AFTPH: variants seen among roughly 807,000 people sequenced by gnomAD.
AFTPH encodes the protein aftiphilin protein.
AFTPH carries 7 observed loss-of-function variants against 72.5 expected under a neutral mutation model. The observed-to-expected ratio is 0.10, with a 90% CI of 0.05 to 0.18. AFTPH has a LOEUF of 0.18. Among genes scored for constraint, AFTPH ranks in the 10% least tolerant of loss-of-function variants. AFTPH has a pLI of 1.00. For synonymous variants in AFTPH, 337 were observed against 370.1 expected (o/e 0.91, Z 1.03); for missense variants, 979 against 1,060.5 (o/e 0.92, Z 1.07).
chr2:64,571,486 T>C (rs376194650), intron 5 of AFTPH, among the ~76,000 whole-genome samples: 1 of 152,214 alleles, frequency 6.6e-6, no homozygotes, highest in African/African-American at 2.4e-5. Context: ...ATAATACATA[T>C]GGTATTGAGT....
At chr2:64,529,707 G>A (rs2103800912) in intron 1 of AFTPH, among the ~76,000 whole-genome samples, 1 of 150,478 alleles carries the variant, frequency 6.6e-6, no homozygotes, top group African/African-American at 2.4e-5. Context: ...ATGGCTCACT[G>A]CAGCACAGAC....
chr2:64,588,660 G>C (rs1673644948), intron 8 of AFTPH, among the ~76,000 whole-genome samples: 1 of 152,170 alleles, frequency 6.6e-6, no homozygotes, highest in South Asian at 2.1e-4. Flanking sequence ...GCATTTCCCT[G>C]ATAGCTAATC....
chr2:64,565,984 T>C (rs368870551), intron 2 of AFTPH, among the ~76,000 whole-genome samples: 1 of 152,182 alleles, frequency 6.6e-6, no homozygotes. Flanking sequence ...TGGTAAACAT[T>C]TTTTTCCTAT....
intron 7 of AFTPH, among the ~76,000 whole-genome samples, chr2:64,582,552 C>T (rs1443543828): frequency 6.6e-6 from 1 of 152,158 alleles, no homozygotes; most frequent in Non-Finnish European, 1.5e-5. Context: ...ACTTAAATTA[C>T]TTCTAAATTT....
chr2:64,557,795 G>C (rs923650827), intron 2 of AFTPH, among the ~76,000 whole-genome samples: 1 of 152,212 alleles, frequency 6.6e-6, no homozygotes, highest in African/African-American at 2.4e-5. Flanking sequence ...TAAGACTTTA[G>C]CTTTCCTTAT....
intron 7 of AFTPH, among the ~76,000 whole-genome samples, chr2:64,584,751 C>T (rs1319829865): frequency 6.6e-6 from 1 of 152,088 alleles, no homozygotes; most frequent in Admixed American, 6.5e-5. Context: ...CGCCCACCAC[C>T]ATGCCCGGCT....
At chr2:64,552,459 G>T (rs747836153) in exon 2 of AFTPH, 2 of 1,614,010 alleles carry the variant, frequency 1.2e-6, no homozygotes, top group South Asian at 1.1e-5. Flanking sequence ...TTTACAGTCA[G>T]GTGTTCAGTC....
intron 2 of AFTPH, among the ~76,000 whole-genome samples, chr2:64,565,862 C>G (rs1354228707): frequency 1.3e-5 from 2 of 152,070 alleles, no homozygotes; most frequent in East Asian, 1.9e-4. Context: ...CCTTTTTTGC[C>G]TCAGCTTCAT....
intron 1 of AFTPH, among the ~76,000 whole-genome samples, chr2:64,542,050 G>T (rs527782066): frequency 1.3e-5 from 2 of 152,288 alleles, no homozygotes; most frequent in East Asian, 3.9e-4. Flanking sequence ...AAGCTGGGTT[G>T]TATAATCTAG....
In AFTPH at chr2:64,579,550, C is replaced by T. The variant is rs765535926; in HGVS notation, c.2455+4C>T. On this transcript the variant is annotated splice_donor_region_variant and intron_variant, in intron 7 of 8. Coordinates refer to ENST00000238856, the Ensembl canonical transcript of AFTPH. ...GGCCTTACTAACCCTTTAGATGGTA[C>T]GTCTCTCCGTAGAGCCTCTAGCACC... 3.1e-6 allele frequency: 5 copies of T among 1,612,434 alleles called. No individual in the cohort carries two copies. Among genetic ancestry groups the T allele is most frequent in the Middle Eastern group, 1.7e-4 (1 of 6,058 alleles).
chr2:64,559,620 A>G (rs547322336), intron 2 of AFTPH, among the ~76,000 whole-genome samples: 2 of 152,228 alleles, frequency 1.3e-5, no homozygotes, highest in Non-Finnish European at 2.9e-5. Context: ...AGGGAGGGCA[A>G]TCTGCTTTAG....
chr2:64,561,495 A>AG (rs1671741154), intron 2 of AFTPH, among the ~76,000 whole-genome samples: 1 of 152,138 alleles, frequency 6.6e-6, no homozygotes, highest in Admixed American at 6.6e-5. Flanking sequence ...TTGGCAACAT[A>AG]GTGAGACGCC....
intron 2 of AFTPH, among the ~76,000 whole-genome samples, chr2:64,559,433 G>A (rs936752393): frequency 2.6e-5 from 4 of 152,130 alleles, no homozygotes; most frequent in Non-Finnish European, 5.9e-5. Flanking sequence ...AAAGCCCTAA[G>A]AACCAGGAGA....
chr2:64,570,255 G>A (rs901639327), intron 5 of AFTPH, among the ~76,000 whole-genome samples: 1 of 152,110 alleles, frequency 6.6e-6, no homozygotes, highest in South Asian at 2.1e-4. Context: ...ACATTTTAAA[G>A]TTTGATGTTT....
chr2:64,582,941 G>A (rs181310460), intron 7 of AFTPH, among the ~76,000 whole-genome samples: 7 of 152,284 alleles, frequency 4.6e-5, no homozygotes, highest in Non-Finnish European at 1.0e-4. Context: ...GAAGCTTAGA[G>A]CTGTAATGGA....
chr2:64,527,788 A>G (rs1225049643), intron 1 of AFTPH, among the ~76,000 whole-genome samples: 1 of 152,214 alleles, frequency 6.6e-6, no homozygotes, highest in Non-Finnish European at 1.5e-5. Context: ...ATTCCTCTGC[A>G]TTAACTTCCC....
intron 1 of AFTPH, among the ~76,000 whole-genome samples, chr2:64,538,775 A>G (rs1041284022): frequency 3.3e-5 from 5 of 152,194 alleles, no homozygotes; most frequent in African/African-American, 1.2e-4. Flanking sequence ...TGAGTTGTAG[A>G]TTATGTAGGA....
chr2:64,535,528 C>T (rs1334256277), intron 1 of AFTPH, among the ~76,000 whole-genome samples: 2 of 152,140 alleles, frequency 1.3e-5, no homozygotes, highest in South Asian at 2.1e-4. Flanking sequence ...TTTGTGGGAC[C>T]GTGAACAGAT....
chr2:64,578,121 CTTAAA>C (rs779246955), intron 6 of AFTPH, among the ~76,000 whole-genome samples: 8 of 152,166 alleles, frequency 5.3e-5, no homozygotes, highest in South Asian at 2.1e-4. Flanking sequence ...AGACTAAATA[CTTAAA>C]TTAATTTGCC....
Sources: gnomAD v4.1 joint callset for allele counts (sites outside exome capture counted in the v4.1 genomes callset) on GRCh38, gnomAD v4.1.1 for gene constraint, MANE v1.5 for transcripts, NCBI Gene and HGNC (gene_info 2026-07-23, HGNC 2026-07-21) for gene names.